MED16: variants seen among roughly 807,000 people sequenced by gnomAD.
MED16 encodes mediator complex subunit 16.
In MED16, 81 loss-of-function variants were observed where a neutral mutation model predicts 84.4. The ratio of observed to expected loss-of-function variants is 0.96; its 90% CI spans 0.80 to 1.15. MED16 has a LOEUF of 1.15. Among genes scored for constraint, MED16 ranks in the 50% most tolerant of loss-of-function variants. The pLI, the probability that MED16 is intolerant of heterozygous loss-of-function variation, is 0.00. For missense variants in MED16, 1,585 were observed against 1,245.9 expected (o/e 1.27, Z -4.10); for synonymous variants, 897 against 552.2 (o/e 1.62, Z -8.76).
chr19:880,273 A>G (rs1298322906), intron 7 of MED16, 125 bp from the exon 8 acceptor site: 4 of 821,782 alleles, frequency 4.9e-6, no homozygotes, highest in Non-Finnish European at 7.1e-6. Context: ...GCCCCCGCCA[A>G]TCGGCATCCA....
In MED16 at chr19:885,941, C is replaced by A. The variant is rs372367009; in HGVS notation, c.708G>T (p.Ala236=). 2.5e-6 allele frequency: 4 copies of A among 1,612,730 alleles called. No individual in the cohort carries two copies. In the African/African-American group the frequency reaches 5.3e-5, roughly 22 times the overall value. ...ACACCTTGTAGAACTGCACGGGCGA[C>A]GCGCTGCTGCCGTCCGCCGTGGCCA... ...IVVATADGSS[A]SPVQFYKVCV... is the part of the protein sequence containing the mutation. The change falls in exon 5 of 16, where the codon GCG becomes GCT. Residue 236 remains alanine, a synonymous_variant. Coordinates refer to ENST00000325464, the MANE Select transcript of MED16 (RefSeq NM_005481.3).
intron 7 of MED16, among the ~76,000 whole-genome samples, 166 bp from the exon 8 acceptor site, chr19:880,314 G>T (rs1316099700): frequency 1.3e-5 from 2 of 152,370 alleles, no homozygotes; most frequent in East Asian, 3.9e-4. Context: ...TCTTTCTTTA[G>T]TTACACAGTC....
Position 876,998 on chromosome 19 carries a change from C to G in MED16, c.1536G>C (p.Thr512=), listed in dbSNP as rs138736652. The G allele has an allele frequency of 6.2e-7, 1 of 1,609,298 alleles. No individual in the cohort carries two copies. Among genetic ancestry groups the G allele is most frequent in the Admixed American group, 1.7e-5 (1 of 59,566 alleles). ...SLVEKLHEEY[T]RQTAALQQVL... ...CCTGCTGCAGGGCAGCGGTCTGGCG[C>G]GTGTACTCCTCGTGCAGCTTCTCCA... The change falls in exon 9 of 16, where the codon ACG becomes ACC. Residue 512 remains threonine (T), a synonymous_variant. Transcript: ENST00000325464.
intron 9 of MED16, among the ~76,000 whole-genome samples, chr19:876,527 G>T (rs907601172): frequency 6.6e-6 from 1 of 152,094 alleles, no homozygotes; most frequent in Non-Finnish European, 1.5e-5. Context: ...GGCCTTACCT[G>T]TGGGGCTTAA....
intron 14 of MED16, 135 bp downstream of exon 14, chr19:868,728 T>C (rs763141504): frequency 1.2e-5 from 13 of 1,107,954 alleles, no homozygotes; most frequent in South Asian, 1.5e-5. Context: ...CCTGGGATCC[T>C]GGCTCCAACA....
Position 877,075 on chromosome 19 carries a change from C to A in MED16, c.1459G>T (p.Asp487Tyr). 6.2e-7 allele frequency: 1 copy of A among 1,612,762 alleles called. No homozygotes were observed. The highest frequency in any genetic ancestry group is 8.5e-7 in the Non-Finnish European group (1 of 1,179,922). Residue 487 changes from aspartate to tyrosine, a missense_variant, in exon 9 of 16, where the codon GAC becomes TAC. Transcript: ENST00000325464. ...ACGTGCAGCAGGATGTCCCACCAGT[C>A]GTAGCCGGTCACCATGCAGTACTCC... ...LLEYCMVTGY[D>Y]WWDILLHVQP...
At chr19:868,983 C>T (rs1478113229) in intron 13 of MED16, 37 bp from the exon 14 acceptor site, 1 of 1,503,410 alleles carries the variant, frequency 6.7e-7, no homozygotes, top group Admixed American at 2.2e-5. Context: ...GAGGCCTGGG[C>T]ACCACGAGGC....
chr19:877,252 C>CCTGGGG, intron 8 of MED16, 72 bp from the exon 9 acceptor site: 1 of 1,462,622 alleles, frequency 6.8e-7, no homozygotes, highest in Non-Finnish European at 9.3e-7. Context: ...GGAATGGGGC[C>CCTGGGG]CTGGGGCTGC....
chr19:872,597 A>C (rs993631418), intron 11 of MED16, among the ~76,000 whole-genome samples: 2 of 137,432 alleles, frequency 1.5e-5, no homozygotes, highest in African/African-American at 5.5e-5. Flanking sequence ...GGCAGGATGA[A>C]GCCGGGTGGG....
In MED16 at chr19:885,355, C is replaced by T. The variant is rs1206561570; in HGVS notation, c.880-347G>A. Among the ~76,000 whole-genome samples the T allele has an allele frequency of 2.6e-5, 4 of 152,118 alleles. No homozygotes were observed. The South Asian group carries it at 8.3e-4, about 32-fold the overall frequency. ...GGCTCAACAGTGGCCCCCAGAACAT[C>T]CCATCCTCAGCCCTAGGACCGGTGG... On this transcript the variant is annotated intron_variant, in intron 5 of 15. Coordinates refer to ENST00000325464, the MANE Select transcript of MED16 (RefSeq NM_005481.3).
Position 885,789 on chromosome 19 carries a change from G to A in MED16, c.860C>T (p.Ala287Val). The change falls in exon 5 of 16, where the codon GCC (alanine) becomes GTC (valine). Residue 287 changes from alanine (A) to valine (V), a missense_variant. By Grantham distance (64) the Ala-to-Val change is moderately conservative. Transcript: ENST00000325464. ...FPAITHLKFL[A>V]RDMSEQVLLC... ...GTTCACCTGCTCCGACATGTCCCGG[G>A]CCAGGAACTTGAGGTGGGTGATGGC... 1.2e-6 allele frequency: 2 copies of A among 1,610,572 alleles called. No homozygotes were observed. Among genetic ancestry groups the A allele is most frequent in the Non-Finnish European group, 1.7e-6 (2 of 1,179,762 alleles).
Position 881,603 on chromosome 19 carries a change from G to C in MED16, c.1097C>G (p.Thr366Ser). 6.2e-7 allele frequency: 1 copy of C among 1,612,732 alleles called. No individual in the cohort carries two copies. The highest frequency in any genetic ancestry group is 8.5e-7 in the Non-Finnish European group (1 of 1,179,938). ...LPKLPISLTNTDLKVASDTQF... is the reference protein window; with the variant it reads ...LPKLPISLTNSDLKVASDTQF... The stretch of plus-strand genomic sequence containing the variant: ...TGTGTCGCTGGCCACCTTGAGGTCG[G>C]TGTTGGTGAGCGAGATGGGCAGCTT... The change falls in exon 7 of 16, where the codon ACC (threonine) becomes AGC (serine). Residue 366 changes from threonine (T) to serine (S), a missense_variant. Thr to Ser is a moderately conservative substitution (Grantham distance 58). Coordinates refer to ENST00000325464, the MANE Select transcript of MED16 (RefSeq NM_005481.3).
Position 868,066 on chromosome 19 carries a change from C to T in MED16, c.*35G>A, listed in dbSNP as rs571122682. On this transcript the variant is annotated 3_prime_UTR_variant, in exon 16 of 16. Transcript: ENST00000325464. ...AAGGAAACCGAGGAGACGCCCGAGC[C>T]GGGTCACCACAAGGTCCGCCTGGAC... The T allele has an allele frequency of 1.8e-5, 28 of 1,570,272 alleles. No homozygotes were observed. Among genetic ancestry groups the T allele is most frequent in the African/African-American group, 1.4e-4 (10 of 72,798 alleles).
Position 868,009 on chromosome 19 carries a change from T to C in MED16, c.*92A>G. 4.1e-6 allele frequency: 6 copies of C among 1,466,756 alleles called. No homozygotes were observed. The highest frequency in any genetic ancestry group is 4.5e-6 in the Non-Finnish European group (5 of 1,101,914). The allele number at this position is 1,466,756 out of a possible 1,614,324, so 90.9% of individuals were successfully genotyped here. ...GGACCTGTCCTTCCCAGCCGCTGCT[T>C]GTCCAGGTTCAGCGCTCTCCGCGGG... On this transcript the variant is annotated 3_prime_UTR_variant, in exon 16 of 16. Coordinates refer to ENST00000325464, the MANE Select transcript of MED16 (RefSeq NM_005481.3).
At position 879,966 on chromosome 19, in the gene MED16, C is replaced by G; in HGVS notation, c.1324G>C (p.Ala442Pro). Residue 442 changes from alanine (A) to proline (P), a missense_variant, in exon 8 of 16, where the codon GCC (alanine) becomes CCC (proline). Transcript: ENST00000325464. ...CCGTGGCTGTCAATCCCCACCAGGG[C>G]CAGTGACGTCCACGATAGCTGCATA... ...KAMQLSWTSLALVGIDSHGKL... is the reference protein window; with the variant it reads ...KAMQLSWTSLPLVGIDSHGKL... The G allele has an allele frequency of 6.2e-7, 1 of 1,606,618 alleles. No homozygotes were observed. The highest frequency in any genetic ancestry group is 1.1e-5 in the South Asian group (1 of 90,222).
Position 885,024 on chromosome 19 carries a change from G to A in MED16, c.880-16C>T, listed in dbSNP as rs756733557. The A allele has an allele frequency of 1.4e-5, 22 of 1,576,090 alleles. No individual in the cohort carries two copies. Among genetic ancestry groups the A allele is most frequent in the East Asian group, 2.3e-5 (1 of 43,720 alleles). On this transcript the variant is annotated splice_polypyrimidine_tract_variant and intron_variant, in intron 5 of 15. Coordinates refer to ENST00000325464, the MANE Select transcript of MED16 (RefSeq NM_005481.3). ...ACAAAAGCACCTGCGGGGGAGGTGG[G>A]GGTGAGGGCTGACCCGGCACTGCTG...
chr19:869,120 G>A (rs1323143379), intron 13 of MED16, among the ~76,000 whole-genome samples, 174 bp from the exon 14 acceptor site: 1 of 152,114 alleles, frequency 6.6e-6, no homozygotes, highest in African/African-American at 2.4e-5. Context: ...CCTGAGACAG[G>A]CCCAGTAAAG....
chr19:877,331 G>T (rs897312440), intron 8 of MED16, 151 bp from the exon 9 acceptor site: 2 of 723,900 alleles, frequency 2.8e-6, no homozygotes, highest in African/African-American at 3.6e-5. Flanking sequence ...TGTCTGTAGC[G>T]TCTGTACCTT....
At chr19:880,225 A>C (rs1222867594) in intron 7 of MED16, 77 bp from the exon 8 acceptor site, 1 of 1,378,414 alleles carries the variant, frequency 7.3e-7, no homozygotes, top group Admixed American at 3.1e-5. Context: ...CCTGCTCTGC[A>C]GGGTGTGGAG....
Sources: allele counts gnomAD v4.1 joint callset (sites outside exome capture counted in the v4.1 genomes callset), GRCh38; gene constraint gnomAD v4.1.1; transcripts MANE v1.5; gene names NCBI Gene and HGNC (gene_info 2026-07-23, HGNC 2026-07-21).